ZNF428: variants seen among roughly 807,000 people sequenced by gnomAD.
ZNF428 encodes zinc finger protein 428, also known as enzyme-like protein PIT13.
ZNF428 carries 5 observed loss-of-function variants against 15.6 expected under a neutral mutation model. The ratio of observed to expected loss-of-function variants is 0.32; its 90% CI spans 0.17 to 0.67. ZNF428 has a LOEUF of 0.67. Among genes scored for constraint, ZNF428 ranks in the 30% least tolerant of loss-of-function variants. ZNF428 has a pLI of 0.73. For synonymous variants in ZNF428, 97 were observed against 102.2 expected (o/e 0.95, Z 0.31); for missense variants, 237 against 256.0 (o/e 0.93, Z 0.51).
At chr19:43,615,465 C>T (rs952878243) in intron 1 of ZNF428, among the ~76,000 whole-genome samples, 4 of 151,608 alleles carry the variant, frequency 2.6e-5, no homozygotes, top group African/African-American at 7.3e-5. Flanking sequence ...TTTGGGAGGC[C>T]GAGGTGGGCA....
intron 2 of ZNF428, among the ~76,000 whole-genome samples, chr19:43,610,095 T>G (rs1319043157): frequency 6.6e-6 from 1 of 151,974 alleles, no homozygotes; most frequent in Non-Finnish European, 1.5e-5. Context: ...TTGCCACCCT[T>G]TCTGCCGATG....
chr19:43,609,010 G>C (rs964382435), intron 2 of ZNF428, among the ~76,000 whole-genome samples: 1 of 152,100 alleles, frequency 6.6e-6, no homozygotes, highest in Non-Finnish European at 1.5e-5. Flanking sequence ...TCCATGGGGA[G>C]GTGGGGTGGG....
At chr19:43,616,204 G>A (rs1291173035) in intron 1 of ZNF428, among the ~76,000 whole-genome samples, 1 of 152,176 alleles carries the variant, frequency 6.6e-6, no homozygotes, top group Admixed American at 6.5e-5. Flanking sequence ...GGGGTCCAAA[G>A]TGGCAGTTAG....
chr19:43,613,876 A>C, intron 2 of ZNF428: 1 of 1,551,714 alleles, frequency 6.4e-7, no homozygotes. Context: ...GACAATCTAG[A>C]AGCTCCAGCG....
intron 1 of ZNF428, among the ~76,000 whole-genome samples, chr19:43,615,772 G>C (rs2048724492): frequency 6.6e-6 from 1 of 152,116 alleles, no homozygotes; most frequent in South Asian, 2.1e-4. Context: ...TTATTATAGA[G>C]GATATTGCAA....
At position 43,613,889 on chromosome 19, in the gene ZNF428, G is replaced by A. The variant is rs373124927; in HGVS notation, c.76+340C>T. The A allele has an allele frequency of 1.7e-5, 27 of 1,551,656 alleles. 1 individual carries two copies. In the African/African-American group the frequency reaches 2.9e-4, roughly 17 times the overall value. On this transcript the variant is annotated intron_variant, in intron 2 of 2. Coordinates refer to ENST00000300811, the MANE Select transcript of ZNF428 (RefSeq NM_182498.4). ...CAGACAATCTAGAAGCTCCAGCGAG[G>A]AGAGAGATCACAGCCGATCTAGAAG... is the stretch of plus-strand genomic sequence containing the variant.
intron 2 of ZNF428, 46 bp from the exon 3 acceptor site, chr19:43,608,153 G>A (rs575856581): frequency 9.6e-6 from 15 of 1,570,126 alleles, no homozygotes; most frequent in Non-Finnish European, 1.7e-6. Flanking sequence ...AGAGGAAAGA[G>A]GGCTAGGCCA....
chr19:43,618,472 T>C (rs1031831244), intron 1 of ZNF428, among the ~76,000 whole-genome samples: 2 of 151,674 alleles, frequency 1.3e-5, no homozygotes, highest in African/African-American at 4.8e-5. Flanking sequence ...TAGCTCACTG[T>C]AACCTCAAAC....
chr19:43,609,726 A>G (rs959627818), intron 2 of ZNF428, among the ~76,000 whole-genome samples: 2 of 151,638 alleles, frequency 1.3e-5, no homozygotes, highest in South Asian at 2.1e-4. Context: ...TGGGTGACAG[A>G]GCAAGACTCC....
At chr19:43,608,940 CA>C (rs201526533) in intron 2 of ZNF428, among the ~76,000 whole-genome samples, 2,861 of 62,276 alleles carry the variant, frequency 0.046, 20 homozygotes, top group African/African-American at 0.069. Context: ...TAGAAAAAAG[CA>C]AAAAAAAAAA....
chr19:43,614,485 A>T, intron 1 of ZNF428, 51 bp from the exon 2 acceptor site: 1 of 1,420,504 alleles, frequency 7.0e-7, no homozygotes, highest in Non-Finnish European at 9.2e-7. Context: ...ATTTTTACAT[A>T]GCACCCATCC....
intron 2 of ZNF428, among the ~76,000 whole-genome samples, chr19:43,610,561 T>G (rs938772368): frequency 6.6e-6 from 1 of 151,290 alleles, no homozygotes; most frequent in African/African-American, 2.4e-5. Flanking sequence ...GTTTACTGCC[T>G]GTCCCCGAGA....
At chr19:43,611,223 A>G (rs1973292443) in intron 2 of ZNF428, among the ~76,000 whole-genome samples, 1 of 152,094 alleles carries the variant, frequency 6.6e-6, no homozygotes, top group Non-Finnish European at 1.5e-5. Flanking sequence ...TGGGGTCCGC[A>G]GCAGAGGACG....
chr19:43,616,080 C>T (rs2051638546), intron 1 of ZNF428, among the ~76,000 whole-genome samples: 1 of 152,108 alleles, frequency 6.6e-6, no homozygotes, highest in Admixed American at 6.6e-5. Context: ...TCAGACCTGC[C>T]CCAGGCCTAA....
At position 43,607,927 on chromosome 19, in the gene ZNF428, G is replaced by C; in HGVS notation, c.257C>G (p.Ala86Gly). 2 of 1,575,432 alleles carry C rather than the reference G, an allele frequency of 1.3e-6. No individual in the cohort carries two copies. Among genetic ancestry groups the C allele is most frequent in the Non-Finnish European group, 1.7e-6 (2 of 1,160,478 alleles). ...GGPSRRAPRAAQPPAQPCQLC... is the reference protein window; with the variant it reads ...GGPSRRAPRAGQPPAQPCQLC... ...CTGGCAAGGCTGGGCCGGGGGCTGG[G>C]CTGCACGGGGGGCCCGGCGGGATGG... Residue 86 changes from alanine (A) to glycine (G), a missense_variant, in exon 3 of 3, where the codon GCC becomes GGC. By Grantham distance (60) the Ala-to-Gly change is moderately conservative. Coordinates refer to ENST00000300811, the MANE Select transcript of ZNF428 (RefSeq NM_182498.4). This position sits in a 1 kb window ranked among gnomAD's most constrained non-coding sequence, Gnocchi z 5.1.
Position 43,609,360 on chromosome 19 carries a change from G to GAGAGAGGGAGAGAGAGAA in ZNF428, c.77-1254_77-1253insTTCTCTCTCTCCCTCTCT, listed in dbSNP as rs1555775014. ...ATGTACTTTTATATCTGTGGCCATG[G>GAGAGAGGGAGAGAGAGAA]AGAGAGAGAGAGAGAGAGTTAGGTG... On this transcript the variant is annotated intron_variant, in intron 2 of 2. Coordinates refer to ENST00000300811, the MANE Select transcript of ZNF428 (RefSeq NM_182498.4). Among the ~76,000 whole-genome samples, 111 of 123,346 alleles carry GAGAGAGGGAGAGAGAGAA rather than the reference G, an allele frequency of 9.0e-4. No individual in the cohort carries two copies. The Middle Eastern group carries it at 0.011, about 13-fold the overall frequency. 80.9% of individuals were successfully genotyped at this position (123,346 alleles called of 152,430 possible).
chr19:43,613,371 G>T, intron 2 of ZNF428: 12 of 1,550,020 alleles, frequency 7.7e-6, no homozygotes, highest in Non-Finnish European at 1.0e-5. Flanking sequence ...AGCCGATCTA[G>T]AAGTCCCTAC....
chr19:43,612,480 G>A lies in ZNF428; in HGVS notation c.76+1749C>T, dbSNP rs1039780867. 28 of 1,550,814 alleles carry A rather than the reference G, an allele frequency of 1.8e-5. No homozygotes were observed. The highest frequency in any genetic ancestry group is 4.1e-5 in the African/African-American group (3 of 73,096). The stretch of plus-strand genomic sequence containing the variant: ...CACCAGCGGAGGGGCACACACAGCC[G>A]GGGTAGGACACCTGGCAGAAGGGGA... On this transcript the variant is annotated intron_variant, in intron 2 of 2. Coordinates refer to ENST00000300811, the MANE Select transcript of ZNF428 (RefSeq NM_182498.4). This position sits in a 1 kb window ranked among gnomAD's most constrained non-coding sequence, Gnocchi z 4.2.
At chr19:43,614,548 G>T in intron 1 of ZNF428, 114 bp from the exon 2 acceptor site, 1 of 969,984 alleles carries the variant, frequency 1.0e-6, no homozygotes, top group Non-Finnish European at 1.4e-6. Context: ...GAGGACCCCA[G>T]CTCTGTCCCT....
Sources: allele counts gnomAD v4.1 joint callset (sites outside exome capture counted in the v4.1 genomes callset), GRCh38; gene constraint gnomAD v4.1.1; non-coding constraint Gnocchi (gnomAD v3.1); transcripts MANE v1.5; gene names NCBI Gene and HGNC (gene_info 2026-07-23, HGNC 2026-07-21).